Variants in NNMT observed in about 807,000 individuals in gnomAD.
NNMT encodes nicotinamide N-methyltransferase.
NNMT carries 10 observed loss-of-function variants against 11.7 expected under a neutral mutation model. That is an observed-to-expected ratio of 0.85 (90% CI 0.53 to 1.45). NNMT has a LOEUF of 1.45. Among genes scored for constraint, NNMT ranks in the 40% most tolerant of loss-of-function variants. The pLI is 0.00. For synonymous variants in NNMT, 143 were observed against 133.8 expected (o/e 1.07, Z -0.48); for missense variants, 381 against 319.4 (o/e 1.19, Z -1.47).
At chr11:114,258,464 C>T (rs1945048674) in intron 1 of NNMT, among the ~76,000 whole-genome samples, 1 of 152,226 alleles carries the variant, frequency 6.6e-6, no homozygotes, top group Admixed American at 6.5e-5. Context: ...AAGGCCGCCT[C>T]CCTCCACTCA....
chr11:114,258,966 G>A (rs1945052656), intron 1 of NNMT, among the ~76,000 whole-genome samples: 1 of 152,102 alleles, frequency 6.6e-6, no homozygotes. Context: ...TCACTTTTCA[G>A]CTCAAACCTT....
intron 2 of NNMT, among the ~76,000 whole-genome samples, chr11:114,306,567 G>A (rs1945493793): frequency 6.6e-6 from 1 of 152,048 alleles, no homozygotes; most frequent in Non-Finnish European, 1.5e-5. Flanking sequence ...TTCTACATAT[G>A]GCTAGCCAGT....
At chr11:114,262,444 G>A (rs965548732) in intron 1 of NNMT, among the ~76,000 whole-genome samples, 3 of 152,098 alleles carry the variant, frequency 2.0e-5, no homozygotes, top group African/African-American at 7.2e-5. Flanking sequence ...TTATAAGTGA[G>A]AACATGCGGT....
chr11:114,310,187 G>A (rs2135285191), intron 2 of NNMT, among the ~76,000 whole-genome samples: 1 of 152,292 alleles, frequency 6.6e-6, no homozygotes, highest in South Asian at 2.1e-4. Context: ...CTGCCAGACT[G>A]TTTTCCAAAG....
chr11:114,294,285 C>T (rs896919242), upstream of NNMT, among the ~76,000 whole-genome samples: 14 of 151,850 alleles, frequency 9.2e-5, no homozygotes, highest in Non-Finnish European at 1.5e-4. Flanking sequence ...CAAGACCAGC[C>T]TGGCCAATAT....
At chr11:114,287,802 A>T (rs1042635641) in intron 2 of NNMT, among the ~76,000 whole-genome samples, 6 of 152,218 alleles carry the variant, frequency 3.9e-5, no homozygotes, top group Non-Finnish European at 7.4e-5. Flanking sequence ...TTGGGATTTT[A>T]CTGAGTCTAT....
At chr11:114,261,417 A>G (rs1945079524) in intron 1 of NNMT, among the ~76,000 whole-genome samples, 1 of 152,168 alleles carries the variant, frequency 6.6e-6, no homozygotes, top group Non-Finnish European at 1.5e-5. Flanking sequence ...CCCCATCTCT[A>G]CTAAAAATAA....
At chr11:114,296,978 G>A (rs1945387028) in intron 1 of NNMT, among the ~76,000 whole-genome samples, 1 of 152,194 alleles carries the variant, frequency 6.6e-6, no homozygotes, top group Non-Finnish European at 1.5e-5. Context: ...GGCGACTTGA[G>A]GGAGACTTTT....
chr11:114,307,948 G>T (rs1185811233), intron 2 of NNMT, among the ~76,000 whole-genome samples: 1 of 151,824 alleles, frequency 6.6e-6, no homozygotes, highest in Non-Finnish European at 1.5e-5. Context: ...GCATTTGTCA[G>T]TTTTAATTTC....
At chr11:114,263,656 C>T (rs937893709) in intron 2 of NNMT, among the ~76,000 whole-genome samples, 4 of 152,204 alleles carry the variant, frequency 2.6e-5, no homozygotes. Flanking sequence ...TCGCTCCCTC[C>T]CCTGTATGCC....
chr11:114,298,413 G>GT (rs1414529807), intron 2 of NNMT: 2 of 448,880 alleles, frequency 4.5e-6, no homozygotes, highest in East Asian at 8.5e-5. Context: ...GCAAAGAGGA[G>GT]TAAACCCCCA....
At chr11:114,293,452 A>C (rs527569932), upstream of NNMT, among the ~76,000 whole-genome samples, 82 of 151,960 alleles carry the variant, frequency 5.4e-4, 1 homozygote, top group Middle Eastern at 0.017. Context: ...TGTGCACTCC[A>C]ACCAACAGTG....
At chr11:114,306,668 G>T (rs1945495080) in intron 2 of NNMT, among the ~76,000 whole-genome samples, 1 of 152,052 alleles carries the variant, frequency 6.6e-6, no homozygotes, top group Non-Finnish European at 1.5e-5. Context: ...TAGATGTGTG[G>T]TATTATTTCT....
At chr11:114,298,267 G>A (rs112670838) in intron 2 of NNMT, 109 bp downstream of exon 2, 5 of 911,424 alleles carry the variant, frequency 5.5e-6, no homozygotes, top group African/African-American at 3.3e-5. Context: ...AGAATGAGTG[G>A]TAACGAGAGA....
At chr11:114,266,992 C>T (rs1046018272) in intron 2 of NNMT, among the ~76,000 whole-genome samples, 9 of 152,172 alleles carry the variant, frequency 5.9e-5, no homozygotes, top group East Asian at 3.8e-4. Context: ...CAGCTGGGCA[C>T]GGTGGCTCAC....
upstream of NNMT, among the ~76,000 whole-genome samples, chr11:114,291,563 G>A (rs1442185521): frequency 1.3e-5 from 2 of 152,110 alleles, no homozygotes; most frequent in Non-Finnish European, 2.9e-5. Context: ...GATCCTGTGA[G>A]CAATCTTGGC....
chr11:114,299,736 G>T (rs1281473632), intron 2 of NNMT, among the ~76,000 whole-genome samples: 2 of 151,422 alleles, frequency 1.3e-5, no homozygotes, highest in East Asian at 3.9e-4. Context: ...GTCTGTTTTG[G>T]TAAGTGGTAC....
intron 2 of NNMT, among the ~76,000 whole-genome samples, chr11:114,305,813 G>C (rs61904723): frequency 1.1e-4 from 16 of 149,060 alleles, no homozygotes; most frequent in South Asian, 2.2e-4. Context: ...AAACATATGT[G>C]TGCATGTGTC....
intron 2 of NNMT, among the ~76,000 whole-genome samples, chr11:114,281,092 T>G (rs1945259152): frequency 1.3e-5 from 2 of 152,170 alleles, no homozygotes; most frequent in South Asian, 4.1e-4. Context: ...ATATGCTGCC[T>G]GGATGACAGA....
Sources: allele counts gnomAD v4.1 joint callset (sites outside exome capture counted in the v4.1 genomes callset), GRCh38; gene constraint gnomAD v4.1.1; transcripts MANE v1.5; gene names NCBI Gene and HGNC (gene_info 2026-07-23, HGNC 2026-07-21).